NOL4: variants seen among roughly 807,000 people sequenced by gnomAD.
The protein encoded by NOL4 is cancer/testis antigen 125.
NOL4 carries 17 observed loss-of-function variants against 75.9 expected under a neutral mutation model. The ratio of observed to expected loss-of-function variants is 0.22; its 90% confidence interval spans 0.15 to 0.34. The LOEUF is 0.34. NOL4 is among the 10% of genes least tolerant of loss of function. The pLI is 1.00. For missense variants in NOL4, 614 were observed against 793.5 expected, an observed-to-expected ratio of 0.77 and a Z score of 2.72; for synonymous variants, 292 against 289.9, an observed-to-expected ratio of 1.01 and a Z score of -0.07.
chr18:33,869,903 G>C (rs574462365), intron 10 of NOL4, among the ~76,000 whole-genome samples: 1 of 151,946 alleles, frequency 6.6e-6, no homozygotes, highest in Non-Finnish European at 1.5e-5. Context: ...AATCATTTTC[G>C]TGAACCTAGA....
intron 5 of NOL4, among the ~76,000 whole-genome samples, chr18:34,071,438 G>GACAGACACACACACAC (rs150543573): frequency 1.4e-5 from 2 of 147,694 alleles, no homozygotes; most frequent in African/African-American, 5.0e-5. Flanking sequence ...CAGACAGACA[G>GACAGACACACACACAC]ACACACACAC....
intron 5 of NOL4, among the ~76,000 whole-genome samples, chr18:34,078,087 T>C (rs1361319121): frequency 1.3e-5 from 2 of 152,210 alleles, no homozygotes; most frequent in Non-Finnish European, 2.9e-5. Flanking sequence ...TGTATGTTAC[T>C]TTCTCTCATT....
chr18:34,032,689 G>A (rs1252100552), intron 5 of NOL4, among the ~76,000 whole-genome samples: 1 of 151,894 alleles, frequency 6.6e-6, no homozygotes, highest in African/African-American at 2.4e-5. Flanking sequence ...AGGGACCTGA[G>A]AACCCACCCA....
intron 6 of NOL4, among the ~76,000 whole-genome samples, chr18:34,009,481 T>C (rs1178582043): frequency 6.6e-6 from 1 of 152,006 alleles, no homozygotes; most frequent in Non-Finnish European, 1.5e-5. Flanking sequence ...AGCTAAACCC[T>C]AAATTCTGGA....
At chr18:33,964,718 C>CCAT (rs2145809551) in intron 6 of NOL4, among the ~76,000 whole-genome samples, 1 of 152,224 alleles carries the variant, frequency 6.6e-6, no homozygotes, top group Admixed American at 6.5e-5. Flanking sequence ...TTTAACATGA[C>CCAT]CTCCATGAGA....
chr18:34,145,015 A>G (rs1170057049), intron 1 of NOL4, among the ~76,000 whole-genome samples: 1 of 152,100 alleles, frequency 6.6e-6, no homozygotes, highest in Non-Finnish European at 1.5e-5. Flanking sequence ...CCTAACTCCT[A>G]TTCTCCACAG....
intron 1 of NOL4, among the ~76,000 whole-genome samples, chr18:34,141,760 G>C (rs1333757168): frequency 6.6e-6 from 1 of 152,174 alleles, no homozygotes; most frequent in Non-Finnish European, 1.5e-5. Flanking sequence ...TACCATTCAG[G>C]ACATAGGCAT....
At chr18:34,202,069 A>G (rs763833159) in intron 1 of NOL4, among the ~76,000 whole-genome samples, 1 of 151,900 alleles carries the variant, frequency 6.6e-6, no homozygotes. Context: ...TTTGTCCTGG[A>G]TCTGGTAACC....
chr18:33,869,781 T>C (rs764283811), intron 10 of NOL4, among the ~76,000 whole-genome samples: 1 of 152,072 alleles, frequency 6.6e-6, no homozygotes, highest in Non-Finnish European at 1.5e-5. Flanking sequence ...AATAGAAAAT[T>C]TAAAGAATCT....
At chr18:34,148,444 C>G (rs1366099201) in intron 1 of NOL4, among the ~76,000 whole-genome samples, 9 of 151,746 alleles carry the variant, frequency 5.9e-5, no homozygotes, top group African/African-American at 2.2e-4. Flanking sequence ...AAAGAACTTA[C>G]TTATTTCTGC....
intron 5 of NOL4, among the ~76,000 whole-genome samples, chr18:34,026,017 G>A (rs1451371247): frequency 6.6e-6 from 1 of 152,164 alleles, no homozygotes; most frequent in East Asian, 1.9e-4. Context: ...ACAGCAAGAA[G>A]CCTGAGCTAT....
At chr18:33,870,463 G>GA (rs1266201120) in intron 10 of NOL4, among the ~76,000 whole-genome samples, 1 of 151,780 alleles carries the variant, frequency 6.6e-6, no homozygotes, top group Non-Finnish European at 1.5e-5. Context: ...TTATATTCCT[G>GA]AAAAAAACCA....
rs1393445856 is a variant in NOL4 at position 34,195,728 on chromosome 18, TA to T, written c.264+27261del. 5.3e-5 allele frequency among the ~76,000 whole-genome samples: 8 copies of T among 152,300 alleles called. No individual in the cohort carries two copies. The South Asian group carries it at 1.7e-3, about 32-fold the overall frequency. ...GCATTATGGCCAATTATGCCAATTT[TA>T]CAACTAGTTGTATGCATTTTATTTT... On this transcript the variant is annotated intron_variant, in intron 1 of 10. Transcript: ENST00000261592.
At chr18:34,007,440 G>A (rs545691510) in intron 6 of NOL4, among the ~76,000 whole-genome samples, 1 of 151,952 alleles carries the variant, frequency 6.6e-6, no homozygotes, top group African/African-American at 2.4e-5. Context: ...CTTGTTGAAG[G>A]AAAATGGAAT....
intron 1 of NOL4, among the ~76,000 whole-genome samples, chr18:34,163,452 C>T (rs887819161): frequency 2.0e-5 from 3 of 151,900 alleles, no homozygotes; most frequent in African/African-American, 7.3e-5. Flanking sequence ...CAACAACAGA[C>T]AAACAGAGAG....
rs935342632 is a variant in NOL4 at position 33,851,771 on chromosome 18, A to G, written c.*1071T>C. The G allele has an allele frequency of 2.0e-5, 3 of 152,574 alleles. No individual in the cohort carries two copies. The highest frequency in any genetic ancestry group is 7.2e-5 in the African/African-American group (3 of 41,466). 9.5% of individuals were successfully genotyped at this position (152,574 alleles called of 1,614,324 possible). ...GCTGCATCCGCTGAGAGTTCCTTAC[A>G]TTATTTTTAGCTAGAACTGAAAATT... On this transcript the variant is annotated 3_prime_UTR_variant, in exon 11 of 11. Transcript: ENST00000261592.
chr18:33,903,804 A>G lies in NOL4; in HGVS notation c.1543-20380T>C, dbSNP rs867190595. ...AATACTTTATGTCTTGTTTCTCTTC[A>G]GAATTTAAAAACAATTCAATCCCAC... On this transcript the variant is annotated intron_variant, in intron 9 of 10. Coordinates refer to ENST00000261592, the MANE Select transcript of NOL4 (RefSeq NM_003787.5). Among the ~76,000 whole-genome samples, 5 of 152,256 alleles carry G rather than the reference A, an allele frequency of 3.3e-5. No individual in the cohort carries two copies. The Middle Eastern group carries it at 0.01, about 311-fold the overall frequency.
At position 33,940,536 on chromosome 18, in the gene NOL4, C is replaced by T. The variant is rs1027908494; in HGVS notation, c.1542+2529G>A. ...GACACAGGGAGGGAACATCACACAC[C>T]GGGGCCTGTCGGGGAGTAGGAGGCT... On this transcript the variant is annotated intron_variant, in intron 9 of 10. Transcript: ENST00000261592. Among the ~76,000 whole-genome samples the T allele has an allele frequency of 6.6e-5, 10 of 151,800 alleles. No homozygotes were observed. In the East Asian group the frequency reaches 7.8e-4, roughly 12 times the overall value.
intron 10 of NOL4, among the ~76,000 whole-genome samples, chr18:33,864,629 C>T (rs924538838): frequency 6.8e-4 from 103 of 152,146 alleles, no homozygotes; most frequent in African/African-American, 2.4e-3. Flanking sequence ...CAACTGCTGC[C>T]CCTTACCCAG....
Sources: gnomAD v4.1 joint callset for allele counts (sites outside exome capture counted in the v4.1 genomes callset) on GRCh38, gnomAD v4.1.1 for gene constraint, MANE v1.5 for transcripts, NCBI Gene and HGNC (gene_info 2026-07-23, HGNC 2026-07-21) for gene names.